The following FAS variants were observed in gnomAD, a reference collection of about 807,000 sequenced individuals.
The protein encoded by FAS is Fas cell surface death receptor.
Under a neutral mutation model 33.2 loss-of-function variants are expected in FAS, and 5 were observed. That is an observed-to-expected ratio of 0.15 (90% CI 0.08 to 0.32). The LOEUF (loss-of-function observed/expected upper bound fraction) is 0.32, where lower values mean the gene tolerates loss of function less well. FAS is among the 10% of genes least tolerant of loss of function. The probability of loss-of-function intolerance (pLI) is 1.00; values close to 1 mark genes in which losing one functional copy is unlikely to be tolerated. For missense variants in FAS, 339 were observed against 386.0 expected, an observed-to-expected ratio of 0.88 and a Z score of 1.02; for synonymous variants, 131 against 130.7, an observed-to-expected ratio of 1.00 and a Z score of -0.01.
intron 7 of FAS, among the ~76,000 whole-genome samples, chr10:89,012,994 A>G (rs1848607051): frequency 6.6e-6 from 1 of 152,206 alleles, no homozygotes; most frequent in Non-Finnish European, 1.5e-5. Flanking sequence ...TGGTATTAAG[A>G]ATAAGAATAG....
intron 1 of FAS, among the ~76,000 whole-genome samples, chr10:88,999,694 G>A (rs1422338222): frequency 1.3e-5 from 2 of 152,100 alleles, no homozygotes; most frequent in Non-Finnish European, 2.9e-5. Context: ...AAAATAGACA[G>A]TTGTTCTGAG....
At chr10:89,000,912 T>G (rs1847889951) in intron 1 of FAS, among the ~76,000 whole-genome samples, 1 of 151,636 alleles carries the variant, frequency 6.6e-6, no homozygotes, top group African/African-American at 2.4e-5. Flanking sequence ...GCCGTCATAG[T>G]GTGCATTCCT....
intron 2 of FAS, among the ~76,000 whole-genome samples, chr10:88,978,361 G>A (rs1846624947): frequency 6.6e-6 from 1 of 151,188 alleles, no homozygotes; most frequent in South Asian, 2.1e-4. Flanking sequence ...TAACTAACCT[G>A]CATAATGTGC....
Position 89,012,058 on chromosome 10 carries a change from C to T in FAS, c.628C>T (p.His210Tyr), listed in dbSNP as rs1428151683. ...GCACAGAAAGGAAAACCAAGGTTCT[C>T]ATGAATCTCCAACTTTAAATCCTGT... ...RKHRKENQGS[H>Y]ESPTLNPETV... Residue 210 changes from histidine (H) to tyrosine (Y), a missense_variant, in exon 7 of 9, where the codon CAT becomes TAT. Physicochemically the swap from His to Tyr is moderately conservative, Grantham distance 83 (BLOSUM62 2). Around this residue, in one of 3 missense-constraint regions of FAS, gnomAD observed 276 missense variants for 300.1 expected, o/e 0.92. Transcript: ENST00000652046. The T allele has an allele frequency of 1.9e-6, 3 of 1,613,604 alleles. No individual in the cohort carries two copies. The Admixed American group carries it at 5.0e-5, about 27-fold the overall frequency.
chr10:88,968,037 G>A (rs990841092), intron 1 of FAS, among the ~76,000 whole-genome samples: 1 of 151,828 alleles, frequency 6.6e-6, no homozygotes, highest in Non-Finnish European at 1.5e-5. Flanking sequence ...AGTAATTAGA[G>A]TTTTCTACTT....
intron 2 of FAS, among the ~76,000 whole-genome samples, chr10:88,980,801 C>T (rs1461249383): frequency 6.6e-6 from 1 of 152,130 alleles, no homozygotes; most frequent in Non-Finnish European, 1.5e-5. Context: ...TGAGGTAGCT[C>T]AATTCCAAAT....
chr10:88,997,860 C>T (rs1290621205), intron 1 of FAS, among the ~76,000 whole-genome samples: 3 of 152,104 alleles, frequency 2.0e-5, no homozygotes, highest in African/African-American at 7.2e-5. Context: ...GAGATTTCAA[C>T]CCAGCCTAGC....
At position 89,010,241 on chromosome 10, in the gene FAS, T is replaced by C. The variant is rs982764; in HGVS notation, c.444-298T>C. Among the ~76,000 whole-genome samples the C allele has an allele frequency of 0.32, 48,623 of 152,024 alleles. 8,126 individuals carry two copies. The highest frequency in any genetic ancestry group is 0.47 in the East Asian group (2,438 of 5,176). ...AGGATTTACGTGTTCAGTTTATTACTAGGTTTAAGTTTATTTTTGTATCCA... is the reference window on the plus strand; with the variant it reads ...AGGATTTACGTGTTCAGTTTATTACCAGGTTTAAGTTTATTTTTGTATCCA... On this transcript the variant is annotated intron_variant, in intron 4 of 8. Transcript: ENST00000652046.
At chr10:88,989,355 T>C (rs374445211), upstream of FAS, 42 of 314,808 alleles carry the variant, frequency 1.3e-4, no homozygotes, top group East Asian at 2.0e-3. Flanking sequence ...ATTTTTTTAT[T>C]TAAATGAACT....
At chr10:88,981,650 G>A (rs144237150) in intron 2 of FAS, among the ~76,000 whole-genome samples, 5 of 152,254 alleles carry the variant, frequency 3.3e-5, no homozygotes, top group East Asian at 1.9e-4. Flanking sequence ...AGTGGGAGAC[G>A]CATCATATCC....
upstream of FAS, chr10:88,990,615 C>T: frequency 1.5e-6 from 1 of 686,156 alleles, no homozygotes; most frequent in Non-Finnish European, 2.7e-6. This position sits in a 1 kb window ranked among gnomAD's most constrained non-coding sequence, Gnocchi z 4.9. Flanking sequence ...TTCCCATCCT[C>T]CTGACCACCG....
At chr10:88,992,230 T>C (rs1847280403) in intron 1 of FAS, 1 of 152,188 alleles carries the variant, frequency 6.6e-6, no homozygotes, top group Non-Finnish European at 1.5e-5. Flanking sequence ...AAAAATCCTG[T>C]TCCTTTCAGA....
At chr10:88,999,401 A>T (rs1318680792) in intron 1 of FAS, among the ~76,000 whole-genome samples, 1 of 152,204 alleles carries the variant, frequency 6.6e-6, no homozygotes, top group Non-Finnish European at 1.5e-5. Flanking sequence ...AGATAAATCT[A>T]TTAACATGCA....
rs150489856 is a variant in FAS at position 89,012,008 on chromosome 10, A to T, written c.578A>T (p.Lys193Met). 3 of 1,613,930 alleles carry T rather than the reference A, an allele frequency of 1.9e-6. No individual in the cohort carries two copies. The highest frequency in any genetic ancestry group is 1.7e-6 in the Non-Finnish European group (2 of 1,179,836). The change falls in exon 7 of 9, where the codon AAG becomes ATG. Residue 193 changes from lysine (K) to methionine (M), a missense_variant. Lys to Met is a moderately conservative substitution (Grantham distance 95, BLOSUM62 -1). Around this residue, in one of 3 missense-constraint regions of FAS, gnomAD observed 276 missense variants for 300.1 expected, o/e 0.92. Transcript: ENST00000652046. ...PIPLIVWVKR[K>M]EVQKTCRKHR... The stretch of plus-strand genomic sequence containing the variant: ...TTCTTTGTTCTTTCAGTGAAGAGAA[A>T]GGAAGTACAGAAAACATGCAGAAAG...
chr10:88,987,044 C>T (rs1004378678), upstream of FAS, among the ~76,000 whole-genome samples: 21 of 152,248 alleles, frequency 1.4e-4, 1 homozygote, highest in African/African-American at 4.8e-4. Flanking sequence ...CTAAGATCTC[C>T]GTCCTCTCTC....
upstream of FAS, among the ~76,000 whole-genome samples, chr10:88,986,092 T>G (rs1352417246): frequency 6.6e-6 from 1 of 152,172 alleles, no homozygotes; most frequent in Non-Finnish European, 1.5e-5. Flanking sequence ...AATTATTAGT[T>G]AAATATATAT....
rs1250271985 is a variant in FAS, at chr10:89,010,548, T to C, written c.453T>C (p.His151=). ...GTATTTTTTTTTCTAGATGTGAACA[T>C]GGAATCATCAAGGAATGCACACTCA... ...EHCDPCTKCE[H]GIIKECTLTS... is the part of the protein sequence containing the mutation. The change falls in exon 5 of 9, where the codon CAT becomes CAC. Residue 151 remains histidine, a synonymous_variant. Transcript: ENST00000652046. The C allele has an allele frequency of 6.2e-7, 1 of 1,613,528 alleles. No individual in the cohort carries two copies. The highest frequency in any genetic ancestry group is 8.5e-7 in the Non-Finnish European group (1 of 1,179,628).
intron 1 of FAS, among the ~76,000 whole-genome samples, chr10:88,972,887 C>T (rs544004185): frequency 3.1e-4 from 47 of 152,120 alleles, no homozygotes; most frequent in Middle Eastern, 3.2e-3. Context: ...GAGACTCTTA[C>T]AGGTAATTTT....
intron 1 of FAS, among the ~76,000 whole-genome samples, chr10:89,001,741 T>G (rs1410314172): frequency 1.3e-5 from 2 of 152,210 alleles, no homozygotes; most frequent in Non-Finnish European, 2.9e-5. Flanking sequence ...GTTCTTGTCA[T>G]CGGATACAAA....
Sources: allele counts gnomAD v4.1 joint callset (sites outside exome capture counted in the v4.1 genomes callset), GRCh38; gene constraint gnomAD v4.1.1; regional missense constraint gnomAD v4.1.1; non-coding constraint Gnocchi (gnomAD v3.1); transcripts MANE v1.5; gene names NCBI Gene and HGNC (gene_info 2026-07-23, HGNC 2026-07-21).